The following LGALS2 variants were observed in gnomAD, a reference collection of about 807,000 sequenced individuals.
LGALS2 encodes the protein galectin 2.
LGALS2 carries 7 observed loss-of-function variants against 10.1 expected under a neutral mutation model. The ratio of observed to expected loss-of-function variants is 0.70; its 90% confidence interval spans 0.40 to 1.31. The LOEUF is 1.31. Ranked by LOEUF, LGALS2 falls within the 50% of genes most tolerant of loss-of-function variation. The pLI is 0.01. For synonymous variants in LGALS2, 86 were observed against 64.2 expected (o/e 1.34, Z -1.63); for missense variants, 167 against 163.6 (o/e 1.02, Z -0.11).
In LGALS2 at chr22:37,570,687, G is replaced by A. The variant is rs1279895701; in HGVS notation, c.138C>T (p.Phe46=). The change falls in exon 3 of 4, where the codon TTC becomes TTT. Residue 46 remains phenylalanine, a synonymous_variant. Coordinates refer to ENST00000215886, the MANE Select transcript of LGALS2 (RefSeq NM_006498.3). The part of the protein sequence containing the change: ...GQGTDKLNLH[F]NPRFSESTIV... ...TGGTGGATTCGCTGAAGCGAGGGTT[G>A]AAATGCAGGTTCAGCTTGTCTGTCC... is the stretch of plus-strand genomic sequence containing the variant. 3.1e-6 allele frequency: 5 copies of A among 1,614,142 alleles called. No individual in the cohort carries two copies. Among genetic ancestry groups the A allele is most frequent in the Non-Finnish European group, 4.2e-6 (5 of 1,180,066 alleles).
chr22:37,575,203 C>CTTT (rs35861132), intron 1 of LGALS2, among the ~76,000 whole-genome samples: 4,803 of 128,634 alleles, frequency 0.037, 158 homozygotes, highest in African/African-American at 0.069. Flanking sequence ...TCTTTTCTTT[C>CTTT]TTTTTTTTTT....
intron 1 of LGALS2, among the ~76,000 whole-genome samples, chr22:37,577,839 T>C (rs1434379889): frequency 2.0e-5 from 3 of 151,908 alleles, no homozygotes; most frequent in East Asian, 1.9e-4. Context: ...CCACGTGAAG[T>C]TGGAGGCAGA....
intron 1 of LGALS2, among the ~76,000 whole-genome samples, chr22:37,575,474 T>C (rs1308349464): frequency 6.6e-6 from 1 of 151,210 alleles, no homozygotes; most frequent in African/African-American, 2.4e-5. Flanking sequence ...CGGTAATACA[T>C]TTTTTTTTAA....
At chr22:37,576,408 C>T (rs999440882) in intron 1 of LGALS2, among the ~76,000 whole-genome samples, 3 of 143,436 alleles carry the variant, frequency 2.1e-5, no homozygotes, top group Non-Finnish European at 4.5e-5. Flanking sequence ...GCCAAGATGG[C>T]GCCACTGCAC....
At chr22:37,579,312 C>T (rs1925780865) in intron 1 of LGALS2, among the ~76,000 whole-genome samples, 1 of 150,372 alleles carries the variant, frequency 6.7e-6, no homozygotes, top group South Asian at 2.1e-4. Flanking sequence ...TAGTGAGTGC[C>T]TGGGGTCCCA....
intron 1 of LGALS2, 22 bp downstream of exon 1, chr22:37,579,878 A>C: frequency 6.2e-7 from 1 of 1,607,872 alleles, no homozygotes; most frequent in African/African-American, 1.3e-5. Flanking sequence ...TGGGGCAGGC[A>C]GCAGGGGGCT....
At chr22:37,573,648 C>A (rs1925568348) in intron 1 of LGALS2, among the ~76,000 whole-genome samples, 1 of 152,228 alleles carries the variant, frequency 6.6e-6, no homozygotes, top group Non-Finnish European at 1.5e-5. Flanking sequence ...TTTGTGAAAT[C>A]CCATGCACAG....
intron 1 of LGALS2, among the ~76,000 whole-genome samples, chr22:37,577,811 G>A (rs1438619310): frequency 2.0e-5 from 3 of 152,154 alleles, no homozygotes; most frequent in Admixed American, 6.5e-5. Flanking sequence ...ACACAGAGAC[G>A]GAGACACACA....
rs142283864 is a variant in LGALS2 at position 37,570,312 on chromosome 22, A to G, written c.350T>C (p.Leu117Pro). Residue 117 changes from leucine to proline, a missense_variant, in exon 4 of 4, where the codon CTG becomes CCG. By Grantham distance (98) the Leu-to-Pro change is moderately conservative. Coordinates refer to ENST00000215886, the MANE Select transcript of LGALS2 (RefSeq NM_006498.3). ...CATGTTGAACCCGCCCCTTACGCTC[A>G]GGTAGCTCAGGTGGCTGTGACCCAG... The part of the protein sequence containing the change: ...NRLGHSHLSY[L>P]SVRGGFNMSS... 5 of 1,613,796 alleles carry G rather than the reference A, an allele frequency of 3.1e-6. No homozygotes were observed. The highest frequency in any genetic ancestry group is 4.2e-6 in the Non-Finnish European group (5 of 1,179,710).
At chr22:37,576,451 CAAAAAAAAAA>C (rs55951617) in intron 1 of LGALS2, among the ~76,000 whole-genome samples, 7 of 108,320 alleles carry the variant, frequency 6.5e-5, no homozygotes, top group Non-Finnish European at 1.1e-4. Context: ...GACTCCGTCT[CAAAAAAAAAA>C]AAAAAAAAAA....
intron 1 of LGALS2, 152 bp downstream of exon 1, chr22:37,579,748 T>G (rs1925792761): frequency 3.9e-6 from 3 of 771,332 alleles, no homozygotes; most frequent in Admixed American, 2.9e-5. Flanking sequence ...ATGCTGTTTT[T>G]TAAAAAAAGA....
chr22:37,579,364 G>A (rs1269156594), intron 1 of LGALS2, among the ~76,000 whole-genome samples: 1 of 152,106 alleles, frequency 6.6e-6, no homozygotes, highest in Non-Finnish European at 1.5e-5. Context: ...TTAAGCCAAG[G>A]AGGTCAAGTC....
chr22:37,574,525 T>TTACCCAAGACCAG (rs1925610722), intron 1 of LGALS2, among the ~76,000 whole-genome samples: 2 of 148,326 alleles, frequency 1.3e-5, no homozygotes, highest in African/African-American at 5.0e-5. Flanking sequence ...AAAAAACTCA[T>TTACCCAAGACCAG]TACCCAAGAC....
chr22:37,575,342 C>T (rs764808781), intron 1 of LGALS2, among the ~76,000 whole-genome samples: 4 of 151,410 alleles, frequency 2.6e-5, no homozygotes, highest in South Asian at 2.1e-4. Flanking sequence ...TAAGTAGCTA[C>T]GACTATAGAC....
At chr22:37,576,526 A>G (rs1331681941) in intron 1 of LGALS2, among the ~76,000 whole-genome samples, 1 of 151,750 alleles carries the variant, frequency 6.6e-6, no homozygotes, top group Non-Finnish European at 1.5e-5. Flanking sequence ...GAGGTTATCC[A>G]GTGAGGACAG....
At chr22:37,573,225 C>G (rs1448599695) in intron 1 of LGALS2, among the ~76,000 whole-genome samples, 1 of 152,106 alleles carries the variant, frequency 6.6e-6, no homozygotes, top group Non-Finnish European at 1.5e-5. Context: ...AAGACAAGAT[C>G]ACGCCACTGC....
intron 1 of LGALS2, 120 bp downstream of exon 1, chr22:37,579,780 G>T: frequency 1.8e-6 from 2 of 1,093,308 alleles, no homozygotes; most frequent in Non-Finnish European, 1.3e-6. Flanking sequence ...CTTCTTTGCT[G>T]CACAGATGGG....
chr22:37,576,321 A>C (rs5750454), intron 1 of LGALS2, among the ~76,000 whole-genome samples: 1 of 150,944 alleles, frequency 6.6e-6, no homozygotes, highest in East Asian at 2.0e-4. Flanking sequence ...GCGTGGTGGC[A>C]GGCGCCTGTA....
intron 1 of LGALS2, among the ~76,000 whole-genome samples, chr22:37,576,715 A>T (rs1239779887): frequency 6.6e-6 from 1 of 152,082 alleles, no homozygotes; most frequent in African/African-American, 2.4e-5. Context: ...AGGATAGGGG[A>T]GCTGGGCCTG....
Sources: allele counts gnomAD v4.1 joint callset (sites outside exome capture counted in the v4.1 genomes callset), GRCh38; gene constraint gnomAD v4.1.1; transcripts MANE v1.5; gene names NCBI Gene and HGNC (gene_info 2026-07-23, HGNC 2026-07-21).